Variants in UNC13C observed in about 807,000 individuals in gnomAD.
UNC13C encodes protein unc-13 homolog C.
In UNC13C, 174 loss-of-function variants were observed where a neutral mutation model predicts 245.4. The ratio of observed to expected loss-of-function variants is 0.71; its 90% CI spans 0.63 to 0.80. The LOEUF (loss-of-function observed/expected upper bound fraction) is 0.80. Ranked by LOEUF, UNC13C falls within the 30% of genes least tolerant of loss-of-function variation. The probability of loss-of-function intolerance (pLI) is 0.00; values close to 1 mark genes in which losing one functional copy is unlikely to be tolerated. For missense variants in UNC13C, 2,829 were observed against 2,602.9 expected, an observed-to-expected ratio of 1.09 and a Z score of -1.89; for synonymous variants, 992 against 895.1, an observed-to-expected ratio of 1.11 and a Z score of -1.93.
At chr15:54,628,840 T>TAA (rs568075089), downstream of UNC13C, 8 of 152,204 alleles carry the variant, frequency 5.3e-5, no homozygotes, top group East Asian at 1.4e-3. Context: ...GGTGGGAGTG[T>TAA]AAATTACTTC....
At chr15:54,134,630 C>G (rs1436795933) in intron 2 of UNC13C, among the ~76,000 whole-genome samples, 9 of 152,144 alleles carry the variant, frequency 5.9e-5, no homozygotes, top group Non-Finnish European at 1.2e-4. Flanking sequence ...CGCCATTCTC[C>G]TGCCTTAGCC....
intron 10 of UNC13C, among the ~76,000 whole-genome samples, chr15:54,276,279 G>T (rs2036829537): frequency 6.6e-6 from 1 of 152,080 alleles, no homozygotes; most frequent in African/African-American, 2.4e-5. Flanking sequence ...CATTTCAAAT[G>T]TATGCAGCTA....
intron 30 of UNC13C, among the ~76,000 whole-genome samples, chr15:54,583,077 G>C (rs1017683073): frequency 5.3e-5 from 8 of 151,970 alleles, no homozygotes; most frequent in Non-Finnish European, 7.4e-5. Flanking sequence ...TTTATAATAA[G>C]CTCTCAGGCA....
At chr15:54,127,212 C>A (rs552350269) in intron 2 of UNC13C, among the ~76,000 whole-genome samples, 3 of 152,214 alleles carry the variant, frequency 2.0e-5, no homozygotes, top group South Asian at 4.2e-4. Flanking sequence ...TGGGTATATA[C>A]CCAAAGGATT....
chr15:54,381,082 A>G (rs1028545761), intron 17 of UNC13C, among the ~76,000 whole-genome samples: 1 of 152,238 alleles, frequency 6.6e-6, no homozygotes, highest in Non-Finnish European at 1.5e-5. Flanking sequence ...TTAGTGATTT[A>G]ATAGCTTGTG....
intron 4 of UNC13C, among the ~76,000 whole-genome samples, chr15:54,174,829 A>C (rs1477725030): frequency 6.6e-6 from 1 of 152,222 alleles, no homozygotes; most frequent in Non-Finnish European, 1.5e-5. Context: ...GTACTGATTA[A>C]AGCAGGTAAG....
chr15:54,294,872 A>G (rs916980326), intron 11 of UNC13C, among the ~76,000 whole-genome samples: 1 of 152,202 alleles, frequency 6.6e-6, no homozygotes, highest in African/African-American at 2.4e-5. Context: ...ACAAATTAAA[A>G]AGTGCTTTTG....
intron 1 of UNC13C, among the ~76,000 whole-genome samples, chr15:53,998,085 G>A (rs1327360647): frequency 6.6e-6 from 1 of 152,146 alleles, no homozygotes; most frequent in Non-Finnish European, 1.5e-5. Context: ...TTACAGGTAT[G>A]AGCCACCACT....
At chr15:54,498,135 T>A (rs1894038657) in intron 20 of UNC13C, among the ~76,000 whole-genome samples, 1 of 152,130 alleles carries the variant, frequency 6.6e-6, no homozygotes, top group Admixed American at 6.6e-5. Context: ...TACATTTCTA[T>A]ATCTATATCT....
intron 30 of UNC13C, among the ~76,000 whole-genome samples, chr15:54,608,564 A>G (rs527951935): frequency 6.6e-6 from 1 of 152,336 alleles, no homozygotes; most frequent in Non-Finnish European, 1.5e-5. Flanking sequence ...CTCATCACCT[A>G]GCAAAGTGGC....
intron 4 of UNC13C, among the ~76,000 whole-genome samples, chr15:54,214,131 T>A (rs992793315): frequency 2.0e-5 from 3 of 152,034 alleles, no homozygotes; most frequent in Non-Finnish European, 2.9e-5. Context: ...GTTGCTTTTT[T>A]AAAAATTATA....
chr15:53,882,515 AC>A, the UNC13C span, among the ~76,000 whole-genome samples: 1 of 152,316 alleles, frequency 6.6e-6, no homozygotes, highest in East Asian at 1.9e-4. Flanking sequence ...AGAATTACTC[AC>A]ATTGGCAAGC....
At chr15:54,232,853 C>T (rs1012896552) in intron 4 of UNC13C, among the ~76,000 whole-genome samples, 3 of 152,058 alleles carry the variant, frequency 2.0e-5, no homozygotes, top group Non-Finnish European at 2.9e-5. Flanking sequence ...TATTGGAGCA[C>T]ATGAAACTGG....
intron 13 of UNC13C, among the ~76,000 whole-genome samples, chr15:54,313,906 G>T (rs568279486): frequency 6.6e-6 from 1 of 151,590 alleles, no homozygotes; most frequent in African/African-American, 2.4e-5. Context: ...TGAATGTATT[G>T]AGAAAATGTA....
intron 30 of UNC13C, among the ~76,000 whole-genome samples, chr15:54,587,321 G>A (rs777717470): frequency 4.6e-5 from 7 of 152,150 alleles, no homozygotes; most frequent in Admixed American, 3.9e-4. Context: ...CACAAAACCC[G>A]TGAAACATTT....
At chr15:54,618,289 A>G (rs1596688534) in intron 30 of UNC13C, among the ~76,000 whole-genome samples, 1 of 152,126 alleles carries the variant, frequency 6.6e-6, no homozygotes, top group Non-Finnish European at 1.5e-5. Flanking sequence ...TCACAAGGGC[A>G]CTACTCATTC....
intron 4 of UNC13C, among the ~76,000 whole-genome samples, chr15:54,168,286 T>C (rs1257398930): frequency 6.6e-6 from 1 of 152,204 alleles, no homozygotes; most frequent in Non-Finnish European, 1.5e-5. Context: ...TAAAAAAATA[T>C]CACTTTGAGA....
chr15:54,294,089 A>G (rs776769585), intron 11 of UNC13C, 25 bp downstream of exon 11: 9 of 1,481,396 alleles, frequency 6.1e-6, no homozygotes, highest in South Asian at 3.0e-5. Flanking sequence ...TATCTACTTG[A>G]AAACGAGTTA....
chr15:53,892,769 T>C, the UNC13C span, among the ~76,000 whole-genome samples: 1 of 152,172 alleles, frequency 6.6e-6, no homozygotes, highest in East Asian at 1.9e-4. Context: ...TAGAAATTCA[T>C]CTAACCTTTT....
Sources: gnomAD v4.1 joint callset for allele counts (sites outside exome capture counted in the v4.1 genomes callset) on GRCh38, gnomAD v4.1.1 for gene constraint, MANE v1.5 for transcripts, NCBI Gene and HGNC (gene_info 2026-07-23, HGNC 2026-07-21) for gene names.